The following IKBKB-DT variants were observed in gnomAD, a reference collection of about 807,000 sequenced individuals.
IKBKB-DT encodes IKBKB divergent transcript, also known as IKBKB antisense RNA.
intron 1 of IKBKB-DT, among the ~76,000 whole-genome samples, chr8:42,267,332 G>A (rs1250872455): frequency 6.6e-6 from 1 of 152,062 alleles, no homozygotes; most frequent in East Asian, 1.9e-4. Context: ...TCACTTTACT[G>A]ACTCGCCCTG....
At chr8:42,241,730 G>A (rs528285139) in intron 3 of IKBKB-DT, among the ~76,000 whole-genome samples, 3 of 152,198 alleles carry the variant, frequency 2.0e-5, no homozygotes, top group Non-Finnish European at 4.4e-5. Flanking sequence ...TGGTAGAATA[G>A]AGTGGAATTG....
chr8:42,256,073 G>C (rs1311249857), intron 3 of IKBKB-DT, among the ~76,000 whole-genome samples: 2 of 151,712 alleles, frequency 1.3e-5, no homozygotes, highest in African/African-American at 4.8e-5. Flanking sequence ...ATAGTCATGA[G>C]TAGTCATGAA....
intron 3 of IKBKB-DT, among the ~76,000 whole-genome samples, chr8:42,260,541 G>A (rs371987630): frequency 1.5e-4 from 23 of 151,782 alleles, no homozygotes; most frequent in African/African-American, 5.3e-4. Flanking sequence ...TTGGTGGCAC[G>A]TGTCTGTAAT....
At chr8:42,235,205 CTTTT>C (rs746414963) in intron 3 of IKBKB-DT, among the ~76,000 whole-genome samples, 2 of 99,402 alleles carry the variant, frequency 2.0e-5, no homozygotes, top group Non-Finnish European at 2.0e-5. Context: ...CTTTTATTTT[CTTTT>C]TTTTTTTTTT....
intron 3 of IKBKB-DT, among the ~76,000 whole-genome samples, chr8:42,236,156 A>T (rs749055565): frequency 6.6e-6 from 1 of 151,932 alleles, no homozygotes; most frequent in African/African-American, 2.4e-5. Flanking sequence ...ATTAAGCATC[A>T]CTTCTCTCTT....
intron 3 of IKBKB-DT, among the ~76,000 whole-genome samples, chr8:42,234,020 A>C (rs138302578): frequency 1.2e-4 from 18 of 152,244 alleles, no homozygotes; most frequent in African/African-American, 4.3e-4. Context: ...ATAATTTCTA[A>C]TCTTGTGGCT....
At chr8:42,257,410 G>T (rs890519327) in intron 3 of IKBKB-DT, among the ~76,000 whole-genome samples, 4 of 151,882 alleles carry the variant, frequency 2.6e-5, no homozygotes, top group Admixed American at 6.6e-5. Context: ...GCTGAGGCAG[G>T]AGAATCTCTT....
intron 3 of IKBKB-DT, among the ~76,000 whole-genome samples, chr8:42,240,624 CAAA>C (rs1208809199): frequency 1.5e-3 from 40 of 26,392 alleles, no homozygotes; most frequent in Non-Finnish European, 2.3e-3. Context: ...GACTCAGTCT[CAAA>C]AAAAAAAAAA....
exon 1 of IKBKB-DT, chr8:42,271,222 G>T: frequency 3.2e-6 from 2 of 634,500 alleles, no homozygotes; most frequent in South Asian, 3.3e-5. Flanking sequence ...CGGGACAGGC[G>T]CAGCACTCGC....
At chr8:42,241,194 A>G (rs1257655642) in intron 3 of IKBKB-DT, among the ~76,000 whole-genome samples, 1 of 144,340 alleles carries the variant, frequency 6.9e-6, no homozygotes, top group African/African-American at 2.6e-5. Context: ...GTTTATTCCC[A>G]ACAGTTGATG....
chr8:42,269,435 GGAAGC>G (rs1807448256), intron 1 of IKBKB-DT, among the ~76,000 whole-genome samples: 7 of 85,972 alleles, frequency 8.1e-5, no homozygotes, highest in Non-Finnish European at 1.4e-4. Flanking sequence ...GAAGGGGAGG[GGAAGC>G]GAGGGGAGGG....
chr8:42,238,842 C>T (rs1012286641), intron 3 of IKBKB-DT, among the ~76,000 whole-genome samples: 2 of 152,178 alleles, frequency 1.3e-5, no homozygotes, highest in Non-Finnish European at 2.9e-5. Flanking sequence ...CAATCATCAG[C>T]ACCCATTCCC....
At chr8:42,259,192 A>G (rs1807248643) in intron 3 of IKBKB-DT, among the ~76,000 whole-genome samples, 1 of 151,858 alleles carries the variant, frequency 6.6e-6, no homozygotes, top group Non-Finnish European at 1.5e-5. Context: ...TGTCTGACTA[A>G]CTTTGTATTT....
chr8:42,250,535 G>A (rs933223567), intron 3 of IKBKB-DT, among the ~76,000 whole-genome samples: 3 of 152,160 alleles, frequency 2.0e-5, no homozygotes, highest in Non-Finnish European at 4.4e-5. Flanking sequence ...TTTGGGGAAG[G>A]GCTACTATCG....
chr8:42,264,067 C>T (rs553537165), intron 2 of IKBKB-DT, among the ~76,000 whole-genome samples: 1 of 151,704 alleles, frequency 6.6e-6, no homozygotes, highest in African/African-American at 2.4e-5. Flanking sequence ...CTGCCTTGGT[C>T]TCCCAAAGCG....
At chr8:42,251,827 T>TCAAA (rs1726282697) in intron 3 of IKBKB-DT, among the ~76,000 whole-genome samples, 1 of 111,750 alleles carries the variant, frequency 8.9e-6, no homozygotes, top group African/African-American at 5.7e-5. Flanking sequence ...AGACTCCATC[T>TCAAA]CAAAAAAAAA....
At chr8:42,266,100 C>G (rs1216937066) in exon 2 of IKBKB-DT, 2 of 152,226 alleles carry the variant, frequency 1.3e-5, no homozygotes, top group African/African-American at 4.8e-5. Context: ...CTAGTTTCTC[C>G]AACTTTTCTG....
intron 3 of IKBKB-DT, among the ~76,000 whole-genome samples, chr8:42,253,806 G>A (rs188108051): frequency 3.3e-5 from 5 of 152,298 alleles, no homozygotes; most frequent in Non-Finnish European, 5.9e-5. Flanking sequence ...ATAACCCGAC[G>A]CATCCACCCT....
At chr8:42,242,886 A>G (rs2129907709) in intron 3 of IKBKB-DT, among the ~76,000 whole-genome samples, 1 of 152,338 alleles carries the variant, frequency 6.6e-6, no homozygotes, top group East Asian at 1.9e-4. Flanking sequence ...CAGGCCACTC[A>G]ACGAAGGCCC....
Sources: gnomAD v4.1 joint callset for allele counts (sites outside exome capture counted in the v4.1 genomes callset) on GRCh38, gnomAD v4.1.1 for gene constraint, MANE v1.5 for transcripts, NCBI Gene and HGNC (gene_info 2026-07-23, HGNC 2026-07-21) for gene names.